CUL1: variants seen among roughly 807,000 people sequenced by gnomAD.
CUL1 encodes cullin-1.
CUL1 carries 24 observed loss-of-function variants against 118.0 expected under a neutral mutation model. The ratio of observed to expected loss-of-function variants is 0.20; its 90% CI spans 0.15 to 0.29. The LOEUF (loss-of-function observed/expected upper bound fraction) is 0.29, where lower values mean the gene tolerates loss of function less well. Ranked by LOEUF, CUL1 falls within the 10% of genes least tolerant of loss-of-function variation. CUL1 has a pLI of 1.00. For synonymous variants in CUL1, 332 were observed against 340.4 expected (o/e 0.98, Z 0.27); for missense variants, 361 against 933.8 (o/e 0.39, Z 7.99).
chr7:148,739,292 C>T (rs1799063067), intron 2 of CUL1, among the ~76,000 whole-genome samples: 1 of 152,170 alleles, frequency 6.6e-6, no homozygotes, highest in South Asian at 2.1e-4. Context: ...TAACATTTCT[C>T]CATATAGTTC....
Position 148,731,029 on chromosome 7 carries a change from G to A in CUL1, c.140+767G>A, listed in dbSNP as rs564271306. 3.9e-5 allele frequency among the ~76,000 whole-genome samples: 6 copies of A among 152,236 alleles called. No homozygotes were observed. In the South Asian group the frequency reaches 1.2e-3, roughly 32 times the overall value. On this transcript the variant is annotated intron_variant, in intron 2 of 21. Coordinates refer to ENST00000325222, the MANE Select transcript of CUL1 (RefSeq NM_003592.3). Reference sequence around the variant, plus strand: ...AGAGTCTTGCTATGTTGCCCGGGCTGTGGCCCTATTTTTTAAAGTACAGTA... The same window carrying A: ...AGAGTCTTGCTATGTTGCCCGGGCTATGGCCCTATTTTTTAAAGTACAGTA...
intron 20 of CUL1, 53 bp downstream of exon 20, chr7:148,798,730 C>CCCGTCCTTGCGAGCCA: frequency 6.9e-7 from 1 of 1,453,470 alleles, no homozygotes; most frequent in Non-Finnish European, 9.7e-7. Flanking sequence ...GCAGGGATGG[C>CCCGTCCTTGCGAGCCA]TCGCAAGGAC....
intron 1 of CUL1, among the ~76,000 whole-genome samples, chr7:148,707,980 A>G (rs1797940708): frequency 6.6e-6 from 1 of 152,066 alleles, no homozygotes. Flanking sequence ...CACATCGCTC[A>G]TTTCCCAGAC....
Position 148,699,957 on chromosome 7 carries a change from T to C in CUL1, c.-162+928T>C, listed in dbSNP as rs139034664. On this transcript the variant is annotated intron_variant, in intron 1 of 21. Transcript: ENST00000325222. ...GAAAGACCCCCGTTTCTGCCACCCG[T>C]GCAGTATTGTGTAGCGCAGACATAA... 3.5e-4 allele frequency among the ~76,000 whole-genome samples: 53 copies of C among 152,006 alleles called. No individual in the cohort carries two copies. The East Asian group carries it at 9.8e-3, about 28-fold the overall frequency.
chr7:148,731,860 G>A (rs1042309119), intron 2 of CUL1, among the ~76,000 whole-genome samples: 10 of 152,140 alleles, frequency 6.6e-5, no homozygotes, highest in East Asian at 1.9e-4. Flanking sequence ...CACTGTGTAC[G>A]TCATTCCTTT....
At chr7:148,753,675 G>A (rs1423150803) in intron 2 of CUL1, among the ~76,000 whole-genome samples, 1 of 152,148 alleles carries the variant, frequency 6.6e-6, no homozygotes, top group Admixed American at 6.5e-5. Flanking sequence ...TTTCCACAAG[G>A]TCAGTCACAT....
At chr7:148,770,863 C>T (rs537736376) in intron 9 of CUL1, among the ~76,000 whole-genome samples, 1 of 152,060 alleles carries the variant, frequency 6.6e-6, no homozygotes, top group African/African-American at 2.4e-5. Flanking sequence ...CATTGTAACC[C>T]AACCATAATT....
At chr7:148,716,069 G>A (rs1168488113) in intron 1 of CUL1, among the ~76,000 whole-genome samples, 1 of 152,058 alleles carries the variant, frequency 6.6e-6, no homozygotes, top group Admixed American at 6.6e-5. Flanking sequence ...TATTGTTGCC[G>A]GGTAATTACC....
chr7:148,707,893 C>G (rs922913024), intron 1 of CUL1, among the ~76,000 whole-genome samples: 1 of 152,138 alleles, frequency 6.6e-6, no homozygotes, highest in East Asian at 1.9e-4. Context: ...GAACGCTGTT[C>G]TCAGGATGTC....
Position 148,732,681 on chromosome 7 carries a change from CT to C in CUL1, c.140+2424del, listed in dbSNP as rs1264250352. On this transcript the variant is annotated intron_variant, in intron 2 of 21. Coordinates refer to ENST00000325222, the MANE Select transcript of CUL1 (RefSeq NM_003592.3). ...TGTTCTTTTTTAAATCAGGTTGGTC[CT>C]TTTTCTGATGGGTTATTTTTGCTCA... Among the ~76,000 whole-genome samples, 3 of 152,008 alleles carry C rather than the reference CT, an allele frequency of 2.0e-5. No individual in the cohort carries two copies. The East Asian group carries it at 5.8e-4, about 29-fold the overall frequency.
At chr7:148,768,996 T>A (rs1289835979) in intron 9 of CUL1, among the ~76,000 whole-genome samples, 2 of 152,026 alleles carry the variant, frequency 1.3e-5, no homozygotes, top group African/African-American at 2.4e-5. Flanking sequence ...ATGAAAAAGA[T>A]CTCTAGGTTT....
chr7:148,719,603 G>T (rs1798334023), intron 1 of CUL1, among the ~76,000 whole-genome samples: 1 of 152,086 alleles, frequency 6.6e-6, no homozygotes, highest in Admixed American at 6.5e-5. Flanking sequence ...TCCCTGTCCT[G>T]GCATCTTTAG....
chr7:148,702,332 G>C (rs972489321), intron 1 of CUL1, among the ~76,000 whole-genome samples: 4 of 152,184 alleles, frequency 2.6e-5, no homozygotes, highest in Admixed American at 1.3e-4. Flanking sequence ...TTGCTTGGGA[G>C]AGAAGACATG....
Position 148,721,705 on chromosome 7 carries a change from G to C in CUL1, c.-161-8257G>C, listed in dbSNP as rs955203929. Among the ~76,000 whole-genome samples the C allele has an allele frequency of 4.0e-5, 6 of 151,810 alleles. No individual in the cohort carries two copies. The East Asian group carries it at 1.2e-3, about 29-fold the overall frequency. Reference sequence around the variant, plus strand: ...ATCTTAGATATAAAAATGATATACTGTATATATTCCTTTGTCACCTTTTTT... The same window carrying C: ...ATCTTAGATATAAAAATGATATACTCTATATATTCCTTTGTCACCTTTTTT... On this transcript the variant is annotated intron_variant, in intron 1 of 21. Coordinates refer to ENST00000325222, the MANE Select transcript of CUL1 (RefSeq NM_003592.3).
intron 1 of CUL1, among the ~76,000 whole-genome samples, chr7:148,727,757 A>G (rs932469006): frequency 6.6e-6 from 1 of 151,614 alleles, no homozygotes; most frequent in Non-Finnish European, 1.5e-5. Context: ...GGGAAAGGAG[A>G]CTGAGGTGGC....
At chr7:148,755,558 C>T (rs989372979) in intron 3 of CUL1, among the ~76,000 whole-genome samples, 1 of 152,282 alleles carries the variant, frequency 6.6e-6, no homozygotes, top group Non-Finnish European at 1.5e-5. Context: ...TAAGGTCTTG[C>T]TGAAGCCACT....
At chr7:148,715,772 AAC>A (rs1311870419) in intron 1 of CUL1, among the ~76,000 whole-genome samples, 1 of 152,192 alleles carries the variant, frequency 6.6e-6, no homozygotes, top group Admixed American at 6.5e-5. Context: ...CTTTAAAAAA[AAC>A]ACATTCAACT....
chr7:148,721,454 C>CT (rs562107579), intron 1 of CUL1, among the ~76,000 whole-genome samples: 23 of 148,970 alleles, frequency 1.5e-4, no homozygotes, highest in East Asian at 7.8e-4. Context: ...TGTCTCTCAG[C>CT]TTTTTTTTTT....
At chr7:148,769,523 C>CGGG (rs1563164309) in intron 9 of CUL1, among the ~76,000 whole-genome samples, 1 of 151,698 alleles carries the variant, frequency 6.6e-6, no homozygotes, top group African/African-American at 2.4e-5. Context: ...AAGGTGCCTT[C>CGGG]CCAGTTGTTG....
Sources: allele counts gnomAD v4.1 joint callset (sites outside exome capture counted in the v4.1 genomes callset), GRCh38; gene constraint gnomAD v4.1.1; transcripts MANE v1.5; gene names NCBI Gene and HGNC (gene_info 2026-07-23, HGNC 2026-07-21).